NPAS3: variants seen among roughly 807,000 people sequenced by gnomAD.
The protein encoded by NPAS3 is neuronal PAS domain-containing protein 3.
Under a neutral mutation model 73.1 loss-of-function variants are expected in NPAS3, and 14 were observed. The observed-to-expected ratio is 0.19, with a 90% confidence interval of 0.13 to 0.30. NPAS3 has a LOEUF of 0.30. Among genes scored for constraint, NPAS3 ranks in the 10% least tolerant of loss-of-function variants. The pLI, the probability that NPAS3 is intolerant of heterozygous loss-of-function variation, is 1.00. For synonymous variants in NPAS3, 620 were observed against 541.5 expected (o/e 1.14, Z -2.01); for missense variants, 1,096 against 1,250.0 (o/e 0.88, Z 1.86).
intron 4 of NPAS3, among the ~76,000 whole-genome samples, chr14:33,491,857 T>C (rs1008861775): frequency 5.9e-5 from 9 of 152,298 alleles, no homozygotes; most frequent in Admixed American, 1.3e-4. Flanking sequence ...TGTGTGTATG[T>C]GTGTTTTAAT....
intron 3 of NPAS3, among the ~76,000 whole-genome samples, chr14:33,246,012 C>T (rs1182265837): frequency 2.6e-5 from 4 of 151,688 alleles, no homozygotes; most frequent in East Asian, 3.9e-4. Context: ...CTCCCTTCAA[C>T]AACTTTATAG....
At chr14:33,263,334 G>C (rs867946265) in intron 3 of NPAS3, among the ~76,000 whole-genome samples, 3 of 152,032 alleles carry the variant, frequency 2.0e-5, no homozygotes, top group African/African-American at 7.2e-5. Flanking sequence ...AGCTTTCTAC[G>C]TATGGCTAAC....
At chr14:33,689,085 G>C (rs1037716978) in intron 6 of NPAS3, among the ~76,000 whole-genome samples, 9 of 152,300 alleles carry the variant, frequency 5.9e-5, no homozygotes, top group Middle Eastern at 3.4e-3. Context: ...CTCTGTATCA[G>C]GTACAAATAC....
rs1346621887 is a variant in NPAS3, at chr14:33,087,572, A to C, written c.140+31578A>C. On this transcript the variant is annotated intron_variant, in intron 2 of 11. Transcript: ENST00000356141. ...TTGTATTGGCTAAATGTTTTAAAGT[A>C]GGTCTCAGAAATGACAAATGGTTTT... Among the ~76,000 whole-genome samples the C allele has an allele frequency of 2.6e-5, 4 of 152,336 alleles. No individual in the cohort carries two copies. In the East Asian group the frequency reaches 7.7e-4, roughly 29 times the overall value.
intron 3 of NPAS3, among the ~76,000 whole-genome samples, chr14:33,219,528 T>A (rs1449665893): frequency 4.6e-5 from 7 of 152,228 alleles, no homozygotes; most frequent in African/African-American, 1.7e-4. Flanking sequence ...ATGCAAGATA[T>A]CTGGTGATTA....
chr14:33,226,881 A>T (rs946479536), intron 3 of NPAS3, among the ~76,000 whole-genome samples: 1 of 152,252 alleles, frequency 6.6e-6, no homozygotes, highest in Admixed American at 6.5e-5. Context: ...CACTGATGAT[A>T]AAAACAGACT....
intron 1 of NPAS3, among the ~76,000 whole-genome samples, chr14:32,986,118 G>A (rs758252629): frequency 1.3e-5 from 2 of 152,140 alleles, no homozygotes; most frequent in South Asian, 4.1e-4. Flanking sequence ...TTTTGGATGT[G>A]TTGCATCATT....
intron 4 of NPAS3, among the ~76,000 whole-genome samples, chr14:33,531,050 T>C (rs2054019170): frequency 6.6e-6 from 1 of 152,106 alleles, no homozygotes; most frequent in African/African-American, 2.4e-5. Flanking sequence ...GGTTTTGTTT[T>C]GTTCTGTTTT....
chr14:33,478,211 C>G (rs2051139321), intron 4 of NPAS3, among the ~76,000 whole-genome samples: 1 of 152,116 alleles, frequency 6.6e-6, no homozygotes, highest in Admixed American at 6.5e-5. Context: ...GGATTTTGCA[C>G]CACTTTAAGC....
intron 2 of NPAS3, among the ~76,000 whole-genome samples, chr14:33,068,835 G>A (rs10146236): frequency 0.35 from 53,254 of 151,896 alleles, 9,762 homozygotes; most frequent in African/African-American, 0.46. Flanking sequence ...GGCGCTGAAG[G>A]GTTCCTAATG....
intron 3 of NPAS3, among the ~76,000 whole-genome samples, chr14:33,291,638 A>G (rs2042103702): frequency 6.6e-6 from 1 of 152,200 alleles, no homozygotes; most frequent in Admixed American, 6.5e-5. Flanking sequence ...CTGGCTTTAT[A>G]TTTTTGAGGT....
chr14:33,220,907 G>T (rs2047399883), intron 3 of NPAS3, among the ~76,000 whole-genome samples: 1 of 152,168 alleles, frequency 6.6e-6, no homozygotes, highest in South Asian at 2.1e-4. Flanking sequence ...ATATTTTTGA[G>T]AGTGATGGCT....
At chr14:33,660,384 T>C (rs1269160092) in intron 5 of NPAS3, among the ~76,000 whole-genome samples, 3 of 152,214 alleles carry the variant, frequency 2.0e-5, no homozygotes, top group African/African-American at 4.8e-5. Context: ...CCTTGTTCTT[T>C]TATGGATAAA....
At chr14:33,226,048 A>G (rs1166392857) in intron 3 of NPAS3, among the ~76,000 whole-genome samples, 4 of 152,232 alleles carry the variant, frequency 2.6e-5, no homozygotes, top group Non-Finnish European at 5.9e-5. Flanking sequence ...GCATGTTTCA[A>G]TAGCTATCCA....
At chr14:33,062,008 C>T (rs751565066) in intron 2 of NPAS3, among the ~76,000 whole-genome samples, 8 of 151,964 alleles carry the variant, frequency 5.3e-5, no homozygotes, top group Non-Finnish European at 1.0e-4. Flanking sequence ...AGGACACAGG[C>T]AGAAGTGGAG....
intron 2 of NPAS3, among the ~76,000 whole-genome samples, chr14:33,071,045 C>G (rs2041468296): frequency 6.6e-6 from 1 of 152,050 alleles, no homozygotes; most frequent in Non-Finnish European, 1.5e-5. Context: ...ATCAGTTTTC[C>G]TAGGTTTGTT....
At chr14:32,977,356 G>GCACGCACACACACACACACACACACA (rs71432100) in intron 1 of NPAS3, among the ~76,000 whole-genome samples, 2 of 141,448 alleles carry the variant, frequency 1.4e-5, no homozygotes, top group Non-Finnish European at 3.0e-5. Context: ...TCTCTGACAC[G>GCACGCACACACACACACACACACACA]CACACACACA....
intron 6 of NPAS3, among the ~76,000 whole-genome samples, chr14:33,683,632 G>A (rs1457237940): frequency 6.6e-6 from 1 of 152,126 alleles, no homozygotes; most frequent in East Asian, 1.9e-4. Flanking sequence ...TACTTATGAA[G>A]GATCAGTTAC....
intron 6 of NPAS3, among the ~76,000 whole-genome samples, chr14:33,687,201 G>A (rs2060114449): frequency 6.6e-6 from 1 of 152,192 alleles, no homozygotes; most frequent in African/African-American, 2.4e-5. Context: ...AATCGATGAT[G>A]CCGTCTGTCC....
Sources: allele counts gnomAD v4.1 joint callset (sites outside exome capture counted in the v4.1 genomes callset), GRCh38; gene constraint gnomAD v4.1.1; transcripts MANE v1.5; gene names NCBI Gene and HGNC (gene_info 2026-07-23, HGNC 2026-07-21).